Variants in FAM53B observed in about 807,000 individuals in gnomAD.
FAM53B encodes family with sequence similarity 53 member B, also known as protein FAM53B.
Under a neutral mutation model 32.7 loss-of-function variants are expected in FAM53B, and 12 were observed. The observed-to-expected ratio is 0.37, with a 90% CI of 0.24 to 0.59. The LOEUF is 0.59. Among genes scored for constraint, FAM53B ranks in the 20% least tolerant of loss-of-function variants. FAM53B has a pLI of 0.72. For synonymous variants in FAM53B, 234 were observed against 228.7 expected, an observed-to-expected ratio of 1.02 and a Z score of -0.21; for missense variants, 477 against 577.7, an observed-to-expected ratio of 0.83 and a Z score of 1.79.
At chr10:124,686,301 T>G (rs1949802621) in intron 3 of FAM53B, among the ~76,000 whole-genome samples, 1 of 152,218 alleles carries the variant, frequency 6.6e-6, no homozygotes, top group Admixed American at 6.5e-5. Context: ...GGGTGATGAA[T>G]TCCTACAGGA....
At chr10:124,698,869 G>C (rs112472153) in intron 2 of FAM53B, among the ~76,000 whole-genome samples, 1 of 152,032 alleles carries the variant, frequency 6.6e-6, no homozygotes, top group Non-Finnish European at 1.5e-5. Context: ...ATCAAATCCC[G>C]GCCACTACCT....
intron 1 of FAM53B, among the ~76,000 whole-genome samples, chr10:124,738,373 T>C (rs547852668): frequency 1.2e-3 from 189 of 151,908 alleles, no homozygotes; most frequent in Admixed American, 2.2e-3. Flanking sequence ...TTTTTTTTTT[T>C]CCAACCTTCC....
intron 4 of FAM53B, among the ~76,000 whole-genome samples, chr10:124,654,123 A>G (rs1564868709): frequency 6.6e-6 from 1 of 152,270 alleles, no homozygotes; most frequent in Admixed American, 6.5e-5. Context: ...CTCAGGTGCT[A>G]TCCTAAAGAA....
intron 3 of FAM53B, among the ~76,000 whole-genome samples, chr10:124,690,735 T>A (rs538829672): frequency 4.9e-4 from 74 of 152,334 alleles, no homozygotes; most frequent in Middle Eastern, 3.4e-3. Context: ...TAGAGATTTT[T>A]AAAAATCACA....
intron 4 of FAM53B, among the ~76,000 whole-genome samples, chr10:124,645,672 G>C (rs1949507954): frequency 6.6e-6 from 1 of 152,210 alleles, no homozygotes; most frequent in African/African-American, 2.4e-5. Context: ...GCGGCTGTCT[G>C]GCATAACGCC....
At chr10:124,742,586 T>C (rs1231380342) in intron 1 of FAM53B, 2 of 152,242 alleles carry the variant, frequency 1.3e-5, no homozygotes, top group Non-Finnish European at 2.9e-5. Context: ...TAATATGTTG[T>C]AAGCAGCACA....
intron 4 of FAM53B, among the ~76,000 whole-genome samples, chr10:124,638,827 G>A (rs1190212487): frequency 2.6e-5 from 4 of 152,244 alleles, no homozygotes; most frequent in African/African-American, 7.2e-5. Flanking sequence ...GGACATGCCC[G>A]CTGGTGGTGG....
chr10:124,685,202 G>A (rs1362337492), intron 3 of FAM53B, among the ~76,000 whole-genome samples: 1 of 152,232 alleles, frequency 6.6e-6, no homozygotes, highest in Non-Finnish European at 1.5e-5. Flanking sequence ...AAACCGAAAT[G>A]TTAATAGTGG....
At chr10:124,635,690 A>T (rs531450138) in intron 4 of FAM53B, among the ~76,000 whole-genome samples, 2 of 152,116 alleles carry the variant, frequency 1.3e-5, no homozygotes, top group African/African-American at 4.8e-5. Flanking sequence ...AGCAATCCCA[A>T]TGGGAACGGA....
chr10:124,672,774 T>C (rs1466588177), intron 4 of FAM53B, among the ~76,000 whole-genome samples: 1 of 152,152 alleles, frequency 6.6e-6, no homozygotes, highest in Non-Finnish European at 1.5e-5. Context: ...GAATGGGGCC[T>C]CCCCAGTGGC....
At chr10:124,737,376 A>G (rs1950178905) in intron 1 of FAM53B, among the ~76,000 whole-genome samples, 1 of 151,880 alleles carries the variant, frequency 6.6e-6, no homozygotes, top group African/African-American at 2.4e-5. Flanking sequence ...AGCACCTTCC[A>G]TTGGGACTGG....
intron 1 of FAM53B, among the ~76,000 whole-genome samples, chr10:124,722,259 T>C (rs934029150): frequency 2.0e-5 from 3 of 152,220 alleles, no homozygotes; most frequent in Non-Finnish European, 4.4e-5. Flanking sequence ...CCGATCATCA[T>C]ACATTATATG....
intron 4 of FAM53B, among the ~76,000 whole-genome samples, chr10:124,670,314 C>T (rs1949700457): frequency 6.6e-6 from 1 of 152,130 alleles, no homozygotes; most frequent in South Asian, 2.1e-4. Context: ...TCCCTGGGGC[C>T]GTCTGCGGTC....
intron 3 of FAM53B, among the ~76,000 whole-genome samples, chr10:124,686,790 T>C (rs1250047141): frequency 1.3e-5 from 2 of 152,172 alleles, no homozygotes; most frequent in African/African-American, 4.8e-5. Flanking sequence ...GAGGATGCGG[T>C]GTTCTCTGGG....
intron 4 of FAM53B, among the ~76,000 whole-genome samples, chr10:124,633,317 G>C (rs940280074): frequency 6.6e-6 from 1 of 151,282 alleles, no homozygotes; most frequent in African/African-American, 2.4e-5. Context: ...CTGTGTGAGG[G>C]ATAGGAAGAC....
chr10:124,680,294 G>A (rs1042673193), intron 4 of FAM53B, among the ~76,000 whole-genome samples: 1 of 152,170 alleles, frequency 6.6e-6, no homozygotes, highest in Non-Finnish European at 1.5e-5. Context: ...GGAGGCACAA[G>A]CATACCACCA....
At chr10:124,732,081 G>A (rs1231300195) in intron 1 of FAM53B, among the ~76,000 whole-genome samples, 2 of 152,304 alleles carry the variant, frequency 1.3e-5, no homozygotes, top group East Asian at 3.9e-4. Context: ...TAAGACACCA[G>A]TGGCTGTGAC....
chr10:124,683,905 C>T (rs796623981), intron 3 of FAM53B, among the ~76,000 whole-genome samples: 5 of 152,352 alleles, frequency 3.3e-5, no homozygotes, highest in South Asian at 2.1e-4. Context: ...CCCAGCTGAG[C>T]GTCACAAGCA....
At chr10:124,640,661 C>T (rs914588427) in intron 4 of FAM53B, among the ~76,000 whole-genome samples, 2 of 152,160 alleles carry the variant, frequency 1.3e-5, no homozygotes, top group Middle Eastern at 3.2e-3. Flanking sequence ...TTACCCTGAG[C>T]TCCATGGGAT....
Sources: allele counts gnomAD v4.1 joint callset (sites outside exome capture counted in the v4.1 genomes callset), GRCh38; gene constraint gnomAD v4.1.1; transcripts MANE v1.5; gene names NCBI Gene and HGNC (gene_info 2026-07-23, HGNC 2026-07-21).